Variants in SMURF2 observed in about 807,000 individuals in gnomAD.
SMURF2 encodes SMAD specific E3 ubiquitin protein ligase 2, also known as E3 ubiquitin-protein ligase SMURF2.
Under a neutral mutation model 109.6 loss-of-function variants are expected in SMURF2, and 48 were observed. The ratio of observed to expected loss-of-function variants is 0.44; its 90% confidence interval spans 0.35 to 0.56. SMURF2 has a LOEUF of 0.56. SMURF2 is among the 20% of genes least tolerant of loss of function. SMURF2 has a pLI of 0.01. For synonymous variants in SMURF2, 288 were observed against 317.1 expected, an observed-to-expected ratio of 0.91 and a Z score of 0.97; for missense variants, 575 against 909.0, an observed-to-expected ratio of 0.63 and a Z score of 4.72.
rs556497487 is a variant in SMURF2 at position 64,549,498 on chromosome 17, G to A, written c.1870-1697C>T. Reference sequence around the variant, plus strand: ...AGGCCTGGTGCAGTGGCTCACGCCTGTAATCCTAACAATTTGGGAAGCAGA... The same window carrying A: ...AGGCCTGGTGCAGTGGCTCACGCCTATAATCCTAACAATTTGGGAAGCAGA... On this transcript the variant is annotated intron_variant, in intron 16 of 18. Transcript: ENST00000262435. Among the ~76,000 whole-genome samples, 7 of 152,230 alleles carry A rather than the reference G, an allele frequency of 4.6e-5. No homozygotes were observed. In the East Asian group the frequency reaches 7.7e-4, roughly 17 times the overall value.
chr17:64,570,389 T>A (rs1306623823), intron 10 of SMURF2, among the ~76,000 whole-genome samples: 2 of 152,300 alleles, frequency 1.3e-5, no homozygotes, highest in East Asian at 3.9e-4. Flanking sequence ...TAGCCTAAAA[T>A]CCTTGTTGCT....
intron 9 of SMURF2, among the ~76,000 whole-genome samples, chr17:64,572,222 A>AAT (rs1969407824): frequency 6.6e-6 from 1 of 152,238 alleles, no homozygotes; most frequent in South Asian, 2.1e-4. Flanking sequence ...GATTTAAATT[A>AAT]ATATAAAATC....
At chr17:64,643,473 G>A (rs781814814) in intron 1 of SMURF2, among the ~76,000 whole-genome samples, 2 of 152,090 alleles carry the variant, frequency 1.3e-5, no homozygotes, top group East Asian at 1.9e-4. Flanking sequence ...GGAGGCTGCC[G>A]TCATGTACTA....
At chr17:64,569,798 G>C (rs1969373400) in intron 10 of SMURF2, among the ~76,000 whole-genome samples, 1 of 152,208 alleles carries the variant, frequency 6.6e-6, no homozygotes, top group Admixed American at 6.5e-5. Context: ...TAAAGTTGAA[G>C]ATAGAAATAT....
chr17:64,600,000 G>A (rs750841089), intron 2 of SMURF2, among the ~76,000 whole-genome samples: 1 of 152,110 alleles, frequency 6.6e-6, no homozygotes, highest in Admixed American at 6.6e-5. Flanking sequence ...GGGCAACAGG[G>A]CTTGGACTGA....
intron 3 of SMURF2, among the ~76,000 whole-genome samples, chr17:64,597,223 G>T (rs184871703): frequency 6.6e-6 from 1 of 151,914 alleles, no homozygotes; most frequent in African/African-American, 2.4e-5. Flanking sequence ...GGGCAATATA[G>T]CAAGACCCCA....
chr17:64,579,676 C>T (rs1316964188), intron 8 of SMURF2, among the ~76,000 whole-genome samples: 3 of 152,214 alleles, frequency 2.0e-5, no homozygotes, highest in South Asian at 2.1e-4. Context: ...ATTTACTATG[C>T]CAGACACTGT....
chr17:64,631,750 G>A (rs976226738), intron 1 of SMURF2, among the ~76,000 whole-genome samples: 2 of 152,130 alleles, frequency 1.3e-5, no homozygotes, highest in Admixed American at 6.5e-5. Context: ...TTTATTGGAT[G>A]TAAGAAATAT....
intron 16 of SMURF2, among the ~76,000 whole-genome samples, chr17:64,548,270 T>C (rs548873817): frequency 3.7e-4 from 57 of 152,324 alleles, no homozygotes; most frequent in African/African-American, 1.3e-3. Context: ...GGCAATTCAA[T>C]CAATTCCTCT....
At chr17:64,580,423 T>C (rs545541999) in intron 8 of SMURF2, among the ~76,000 whole-genome samples, 95 of 152,348 alleles carry the variant, frequency 6.2e-4, no homozygotes, top group Non-Finnish European at 1.2e-3. Context: ...AATTATGTCA[T>C]AGGTTGAACT....
At chr17:64,612,273 T>C (rs1202404096) in intron 1 of SMURF2, among the ~76,000 whole-genome samples, 1 of 152,128 alleles carries the variant, frequency 6.6e-6, no homozygotes, top group Non-Finnish European at 1.5e-5. Flanking sequence ...ACTCAATAAA[T>C]ATCTGTTGAA....
intron 1 of SMURF2, among the ~76,000 whole-genome samples, chr17:64,611,642 C>A (rs898303619): frequency 2.0e-5 from 3 of 152,172 alleles, no homozygotes; most frequent in Non-Finnish European, 2.9e-5. Flanking sequence ...ATTACCGATG[C>A]CAACACCTTA....
In SMURF2 at chr17:64,547,553, C is replaced by T. The variant is rs781802875; in HGVS notation, c.2071+47G>A. On this transcript the variant is annotated intron_variant, in intron 17 of 18. Transcript: ENST00000262435. This position sits in a 1 kb window ranked among gnomAD's most constrained non-coding sequence, Gnocchi z 4.2. ...ATCTCCACAGACCCCACGCTGACAGCCCCGCCCCCACCCGCTGCCCAGCTT... is the reference window on the plus strand; with the variant it reads ...ATCTCCACAGACCCCACGCTGACAGTCCCGCCCCCACCCGCTGCCCAGCTT... The T allele has an allele frequency of 1.9e-6, 3 of 1,545,754 alleles. No homozygotes were observed. The highest frequency in any genetic ancestry group is 1.7e-4 in the Middle Eastern group (1 of 5,906).
intron 1 of SMURF2, among the ~76,000 whole-genome samples, chr17:64,611,083 A>G (rs1372944009): frequency 6.6e-6 from 1 of 152,334 alleles, no homozygotes; most frequent in East Asian, 1.9e-4. Context: ...TTGCTGTGCT[A>G]TAAAACTTGA....
Position 64,542,503 on chromosome 17 carries a change from A to G in SMURF2, c.*3345T>C. 6.6e-6 allele frequency: 1 copy of G among 152,210 alleles called. No homozygotes were observed. Among genetic ancestry groups the G allele is most frequent in the East Asian group, 1.9e-4 (1 of 5,194 alleles). 9.4% of individuals were successfully genotyped at this position (152,210 alleles called of 1,614,324 possible). ...ATGATAAAACTTTGTTTTTAAAGTC[A>G]GTCTGAGAGAAGAATATTACATAAA... On this transcript the variant is annotated 3_prime_UTR_variant, in exon 19 of 19. Transcript: ENST00000262435.
In SMURF2 at chr17:64,581,087, T is replaced by C. The variant is rs1360490873; in HGVS notation, c.570-96A>G. The C allele has an allele frequency of 6.4e-6, 7 of 1,085,694 alleles. No homozygotes were observed. Among genetic ancestry groups the C allele is most frequent in the South Asian group, 2.9e-5 (2 of 69,692 alleles). The allele number at this position is 1,085,694 out of a possible 1,614,324, so 67.3% of individuals were successfully genotyped here. On this transcript the variant is annotated intron_variant, in intron 7 of 18. Transcript: ENST00000262435. This position sits in a 1 kb window ranked among gnomAD's most constrained non-coding sequence, Gnocchi z 4.3. ...TATATACTGCAGTAACAACCACTTA[T>C]CATGTCTGAAAACAGAATGACTAAT... is the stretch of plus-strand genomic sequence containing the variant.
At chr17:64,595,961 AC>A (rs1457122984) in intron 3 of SMURF2, among the ~76,000 whole-genome samples, 1 of 152,158 alleles carries the variant, frequency 6.6e-6, no homozygotes, top group African/African-American at 2.4e-5. Context: ...CCAAAATGGT[AC>A]CCACCAACCA....
At chr17:64,624,158 T>C (rs1598301462) in intron 1 of SMURF2, among the ~76,000 whole-genome samples, 3 of 152,220 alleles carry the variant, frequency 2.0e-5, no homozygotes, top group Admixed American at 1.3e-4. Flanking sequence ...AATCCTACAA[T>C]AGAGTCCTCC....
At chr17:64,548,183 G>T (rs1968986330) in intron 16 of SMURF2, among the ~76,000 whole-genome samples, 1 of 152,164 alleles carries the variant, frequency 6.6e-6, no homozygotes, top group Non-Finnish European at 1.5e-5. Flanking sequence ...GAGACCCAAA[G>T]AGTAAATACA....
Sources: gnomAD v4.1 joint callset for allele counts (sites outside exome capture counted in the v4.1 genomes callset) on GRCh38, gnomAD v4.1.1 for gene constraint, Gnocchi (gnomAD v3.1) non-coding constraint, MANE v1.5 for transcripts, NCBI Gene and HGNC (gene_info 2026-07-23, HGNC 2026-07-21) for gene names.